AUTS2: variants seen among roughly 807,000 people sequenced by gnomAD.
The protein encoded by AUTS2 is autism susceptibility gene 2 protein.
A neutral mutation model predicts 112.4 loss-of-function variants in AUTS2; 17 were observed. The ratio of observed to expected loss-of-function variants is 0.15; its 90% CI spans 0.10 to 0.23. The LOEUF (loss-of-function observed/expected upper bound fraction) is 0.23. Ranked by LOEUF, AUTS2 falls within the 10% of genes least tolerant of loss-of-function variation. The pLI is 1.00. For missense variants in AUTS2, 1,510 were observed against 1,701.6 expected (o/e 0.89, Z 1.98); for synonymous variants, 751 against 702.7 (o/e 1.07, Z -1.09).
chr7:70,297,893 T>G (rs1184381591), intron 4 of AUTS2, among the ~76,000 whole-genome samples: 1 of 152,186 alleles, frequency 6.6e-6, no homozygotes, highest in East Asian at 1.9e-4. Flanking sequence ...ACAAACTGAT[T>G]GAAGTGAAAT....
intron 4 of AUTS2, among the ~76,000 whole-genome samples, chr7:70,382,243 T>C (rs1170991862): frequency 2.0e-5 from 3 of 152,178 alleles, no homozygotes; most frequent in Non-Finnish European, 2.9e-5. Flanking sequence ...CTCTAAACTC[T>C]TCCAAATTGA....
chr7:70,373,009 A>G (rs11763292), intron 4 of AUTS2, among the ~76,000 whole-genome samples: 50,711 of 152,032 alleles, frequency 0.33, 9,114 homozygotes, highest in African/African-American at 0.47. Context: ...AGCTCCATCC[A>G]TCTTTCTCAG....
At chr7:69,931,095 G>A (rs982916339) in intron 2 of AUTS2, among the ~76,000 whole-genome samples, 8 of 144,588 alleles carry the variant, frequency 5.5e-5, no homozygotes, top group Non-Finnish European at 1.0e-4. Flanking sequence ...CAGAATGCTC[G>A]TACTGCATTT....
chr7:69,782,557 CCT>C (rs1486659195), intron 1 of AUTS2, among the ~76,000 whole-genome samples: 2 of 152,064 alleles, frequency 1.3e-5, no homozygotes, highest in Admixed American at 1.3e-4. Context: ...ATCCCAGAGA[CCT>C]TTTTCCCAGC....
At chr7:69,707,167 A>C (rs1039358289) in intron 1 of AUTS2, among the ~76,000 whole-genome samples, 1 of 152,212 alleles carries the variant, frequency 6.6e-6, no homozygotes, top group African/African-American at 2.4e-5. Flanking sequence ...AGAGATTAGC[A>C]GTGGGTCCAT....
Position 70,462,007 on chromosome 7 carries a change from A to G in AUTS2, c.690+26226A>G, listed in dbSNP as rs115373794. ...TGGCTAATGCCTGTAATCCCAGCAT[A>G]TTGGGAGGCTGAGGTAGGCAGATCA... is the stretch of plus-strand genomic sequence containing the variant. On this transcript the variant is annotated intron_variant, in intron 5 of 18. Coordinates refer to ENST00000342771, the MANE Select transcript of AUTS2 (RefSeq NM_015570.4). Among the ~76,000 whole-genome samples, 644 of 152,248 alleles carry G rather than the reference A, an allele frequency of 4.2e-3. 5 individuals carry two copies. Among genetic ancestry groups the G allele is most frequent in the African/African-American group, 0.015 (627 of 41,534 alleles).
At chr7:70,635,612 T>TGG (rs1380852595) in intron 5 of AUTS2, among the ~76,000 whole-genome samples, 1 of 152,150 alleles carries the variant, frequency 6.6e-6, no homozygotes, top group East Asian at 1.9e-4. Context: ...CATCTCTAGG[T>TGG]GGCCTGGCAG....
chr7:70,088,207 TC>T (rs1377656622), intron 2 of AUTS2, among the ~76,000 whole-genome samples: 34 of 152,194 alleles, frequency 2.2e-4, no homozygotes, highest in Admixed American at 1.9e-3. Context: ...CACTGCAAGT[TC>T]CACCTCCTGG....
In AUTS2 at chr7:70,257,387, G is replaced by A. The variant is rs532679921; in HGVS notation, c.660+122816G>A. ...GGCTGGAGTGCAGTGGCACAATCTCGGCTCACTGCAATCTCCGCCTCCCGG... is the reference window on the plus strand; with the variant it reads ...GGCTGGAGTGCAGTGGCACAATCTCAGCTCACTGCAATCTCCGCCTCCCGG... On this transcript the variant is annotated intron_variant, in intron 4 of 18. Coordinates refer to ENST00000342771, the MANE Select transcript of AUTS2 (RefSeq NM_015570.4). 3.9e-5 allele frequency among the ~76,000 whole-genome samples: 6 copies of A among 152,092 alleles called. No individual in the cohort carries two copies. In the East Asian group the frequency reaches 9.7e-4, roughly 25 times the overall value.
At chr7:70,478,309 T>G (rs1380431837) in intron 5 of AUTS2, among the ~76,000 whole-genome samples, 1 of 152,228 alleles carries the variant, frequency 6.6e-6, no homozygotes, top group African/African-American at 2.4e-5. Context: ...TGTGCATCCT[T>G]CTAATAGAGT....
intron 2 of AUTS2, among the ~76,000 whole-genome samples, chr7:69,950,467 T>C (rs1370967172): frequency 2.6e-5 from 4 of 152,220 alleles, no homozygotes; most frequent in African/African-American, 7.2e-5. Context: ...GGAAAAGTTA[T>C]GCACTGGCAG....
chr7:69,844,524 T>A (rs188296850), intron 1 of AUTS2, among the ~76,000 whole-genome samples: 1 of 152,278 alleles, frequency 6.6e-6, no homozygotes, highest in East Asian at 1.9e-4. Context: ...TGACAGACAC[T>A]GGAAAGAGAC....
At chr7:69,612,677 A>C (rs1052153435) in intron 1 of AUTS2, among the ~76,000 whole-genome samples, 1 of 151,634 alleles carries the variant, frequency 6.6e-6, no homozygotes, top group African/African-American at 2.4e-5. Flanking sequence ...GCTGGTCTTG[A>C]CCTCCTGGGC....
intron 1 of AUTS2, among the ~76,000 whole-genome samples, chr7:69,762,556 G>A (rs1024676692): frequency 1.3e-5 from 2 of 151,734 alleles, no homozygotes; most frequent in African/African-American, 4.8e-5. Flanking sequence ...CCATCTGCCC[G>A]CTTCGGCCTC....
intron 4 of AUTS2, among the ~76,000 whole-genome samples, chr7:70,364,390 C>A (rs1792459373): frequency 6.6e-6 from 1 of 151,756 alleles, no homozygotes; most frequent in Admixed American, 6.6e-5. Context: ...TGGTGAAACC[C>A]AGTCTCTACT....
chr7:70,066,897 A>G (rs1050782880), intron 2 of AUTS2, among the ~76,000 whole-genome samples: 3 of 152,202 alleles, frequency 2.0e-5, no homozygotes, highest in African/African-American at 7.2e-5. Context: ...ACTTTATGAG[A>G]TTAAGCTATT....
chr7:69,637,964 G>C (rs1016745318), intron 1 of AUTS2, among the ~76,000 whole-genome samples: 3 of 152,242 alleles, frequency 2.0e-5, no homozygotes, highest in Non-Finnish European at 4.4e-5. Flanking sequence ...ATACACAGGA[G>C]AGTGAGATTT....
chr7:70,259,267 T>C (rs1200791512), intron 4 of AUTS2, among the ~76,000 whole-genome samples: 5 of 152,132 alleles, frequency 3.3e-5, no homozygotes, highest in Admixed American at 6.5e-5. Context: ...CCCTAACCCC[T>C]TTCTTTCATT....
intron 6 of AUTS2, among the ~76,000 whole-genome samples, chr7:70,747,928 TGTC>T (rs1399133734): frequency 6.6e-6 from 1 of 151,254 alleles, no homozygotes; most frequent in East Asian, 1.9e-4. Context: ...TTCACGCCAT[TGTC>T]CTGCCTCAGC....
Sources: gnomAD v4.1 joint callset for allele counts (sites outside exome capture counted in the v4.1 genomes callset) on GRCh38, gnomAD v4.1.1 for gene constraint, MANE v1.5 for transcripts, NCBI Gene and HGNC (gene_info 2026-07-23, HGNC 2026-07-21) for gene names.